The following LRP1B variants were observed in gnomAD, a reference collection of about 807,000 sequenced individuals.
The protein encoded by LRP1B is LDL receptor related protein 1B, also known as low-density lipoprotein receptor-related protein 1B.
A neutral mutation model predicts 556.6 loss-of-function variants in LRP1B; 217 were observed. That is an observed-to-expected ratio of 0.39 (90% CI 0.35 to 0.44). The LOEUF is 0.44. LRP1B is among the 20% of genes least tolerant of loss of function. The pLI, the probability that LRP1B is intolerant of heterozygous loss-of-function variation, is 1.00. For synonymous variants in LRP1B, 2,047 were observed against 1,865.8 expected (o/e 1.10, Z -2.50); for missense variants, 5,053 against 5,620.8 (o/e 0.90, Z 3.23).
intron 2 of LRP1B, among the ~76,000 whole-genome samples, chr2:141,661,784 CA>C (rs1320270399): frequency 6.6e-6 from 1 of 152,136 alleles, no homozygotes; most frequent in African/African-American, 2.4e-5. Flanking sequence ...AGATCTTCCC[CA>C]ATCTAGCAAG....
At chr2:140,292,159 G>A (rs1683415201) in intron 84 of LRP1B, among the ~76,000 whole-genome samples, 1 of 152,110 alleles carries the variant, frequency 6.6e-6, no homozygotes, top group African/African-American at 2.4e-5. Context: ...TGTGGTTCCT[G>A]TGCTCTCTAA....
rs1177141251 is a variant in LRP1B, at chr2:141,948,651, G to A, written c.83-138250C>T. On this transcript the variant is annotated intron_variant, in intron 1 of 90. Transcript: ENST00000389484. ...CATTGAAGCCAATTAATTAATGATA[G>A]TGTTAAGTATAAAATACTAGTTATA... 2.6e-5 allele frequency among the ~76,000 whole-genome samples: 4 copies of A among 152,076 alleles called. No individual in the cohort carries two copies. In the East Asian group the frequency reaches 7.7e-4, roughly 29 times the overall value.
intron 84 of LRP1B, among the ~76,000 whole-genome samples, chr2:140,291,191 G>A (rs1016998991): frequency 2.7e-5 from 4 of 149,616 alleles, no homozygotes; most frequent in Non-Finnish European, 5.9e-5. Context: ...TGCATATGCT[G>A]TTCCCTCTTT....
intron 7 of LRP1B, among the ~76,000 whole-genome samples, chr2:141,062,868 A>G (rs1419874744): frequency 6.6e-6 from 1 of 151,784 alleles, no homozygotes; most frequent in Non-Finnish European, 1.5e-5. Flanking sequence ...CCAAATCACA[A>G]AATTGTATTT....
At chr2:141,880,735 C>A (rs1698929817) in intron 1 of LRP1B, among the ~76,000 whole-genome samples, 3 of 151,974 alleles carry the variant, frequency 2.0e-5, no homozygotes, top group South Asian at 2.1e-4. Flanking sequence ...TTTAAATGTG[C>A]ATACTGTATG....
intron 7 of LRP1B, among the ~76,000 whole-genome samples, chr2:141,164,412 T>C (rs1680164426): frequency 6.6e-6 from 1 of 152,074 alleles, no homozygotes; most frequent in African/African-American, 2.4e-5. Flanking sequence ...CTAGCAAACA[T>C]ATGCATAACA....
chr2:141,718,271 T>C (rs980160530), intron 2 of LRP1B, among the ~76,000 whole-genome samples: 5 of 152,186 alleles, frequency 3.3e-5, no homozygotes, highest in African/African-American at 1.2e-4. Context: ...TTGGCATTTT[T>C]TTCATGACCT....
chr2:141,016,862 C>T (rs1184555291), intron 12 of LRP1B, among the ~76,000 whole-genome samples: 2 of 152,068 alleles, frequency 1.3e-5, no homozygotes, highest in African/African-American at 2.4e-5. Context: ...GATCCCCTGC[C>T]TCCCCCATTT....
intron 1 of LRP1B, among the ~76,000 whole-genome samples, chr2:142,041,425 AGT>A (rs1330023155): frequency 3.3e-5 from 5 of 151,480 alleles, no homozygotes; most frequent in African/African-American, 1.2e-4. Context: ...TTATGTAGAA[AGT>A]GTATACATGA....
chr2:140,319,538 C>T (rs770892046), intron 82 of LRP1B, among the ~76,000 whole-genome samples: 1 of 152,068 alleles, frequency 6.6e-6, no homozygotes, highest in African/African-American at 2.4e-5. Context: ...AACCAAATAC[C>T]ACATGTTCTC....
At chr2:141,276,954 C>A (rs1466499911) in intron 3 of LRP1B, among the ~76,000 whole-genome samples, 2 of 152,150 alleles carry the variant, frequency 1.3e-5, no homozygotes, top group African/African-American at 4.8e-5. Flanking sequence ...CCGCTCCCGG[C>A]CCCCATCTCA....
At chr2:142,071,122 G>C (rs1705296238) in intron 1 of LRP1B, among the ~76,000 whole-genome samples, 1 of 151,902 alleles carries the variant, frequency 6.6e-6, no homozygotes, top group African/African-American at 2.4e-5. Context: ...AGGATGGGAA[G>C]GGATGACTTC....
At chr2:141,381,241 A>T (rs1179514024) in intron 3 of LRP1B, among the ~76,000 whole-genome samples, 2 of 152,036 alleles carry the variant, frequency 1.3e-5, no homozygotes. Flanking sequence ...GAAATCACAA[A>T]ACTGAAGAAT....
intron 2 of LRP1B, among the ~76,000 whole-genome samples, chr2:141,713,882 C>T (rs1179686484): frequency 2.6e-5 from 4 of 152,238 alleles, no homozygotes; most frequent in South Asian, 2.1e-4. Context: ...TCACACACCG[C>T]GTCTTTTTCC....
At chr2:141,506,650 C>T (rs1200431542) in intron 2 of LRP1B, among the ~76,000 whole-genome samples, 1 of 152,018 alleles carries the variant, frequency 6.6e-6, no homozygotes, top group East Asian at 1.9e-4. Flanking sequence ...AAGTAGTCTA[C>T]TCTTTCGGGC....
intron 1 of LRP1B, among the ~76,000 whole-genome samples, chr2:142,092,650 G>GTT (rs1437984227): frequency 6.6e-6 from 1 of 150,958 alleles, no homozygotes; most frequent in African/African-American, 2.4e-5. Context: ...GTGTGTGTGT[G>GTT]TTTTTGTATG....
chr2:141,584,546 A>G (rs2105284590), intron 2 of LRP1B, among the ~76,000 whole-genome samples: 1 of 152,332 alleles, frequency 6.6e-6, no homozygotes, highest in African/African-American at 2.4e-5. Context: ...AACTTTTAAT[A>G]TTTATGATAT....
At chr2:141,074,569 G>GTCTGTC (rs1553456108) in intron 7 of LRP1B, among the ~76,000 whole-genome samples, 6,295 of 136,258 alleles carry the variant, frequency 0.046, 158 homozygotes, top group Non-Finnish European at 0.064. Flanking sequence ...CTGTCTCTCT[G>GTCTGTC]TCTCTCTCTC....
chr2:141,139,507 G>GA (rs1035869360), intron 7 of LRP1B, among the ~76,000 whole-genome samples: 27 of 148,406 alleles, frequency 1.8e-4, no homozygotes, highest in Admixed American at 6.1e-4. Context: ...CCTCCAATAA[G>GA]AAAAAAAAAT....
Sources: allele counts gnomAD v4.1 joint callset (sites outside exome capture counted in the v4.1 genomes callset), GRCh38; gene constraint gnomAD v4.1.1; transcripts MANE v1.5; gene names NCBI Gene and HGNC (gene_info 2026-07-23, HGNC 2026-07-21).